The following DRC11 variants were observed in gnomAD, a reference collection of about 807,000 sequenced individuals.
The protein encoded by DRC11 is IQ and AAA domain-containing protein 1.
the DRC11 span, among the ~76,000 whole-genome samples, chr2:236,445,052 AG>A: frequency 6.6e-6 from 1 of 152,240 alleles, no homozygotes; most frequent in South Asian, 2.1e-4. The surrounding 1 kb of genome is among the most constrained non-coding windows in gnomAD (Gnocchi z 4.8). Context: ...ATACATTAGG[AG>A]TCAAAATGAC....
At chr2:236,342,856 C>A in the DRC11 span, among the ~76,000 whole-genome samples, 1 of 152,090 alleles carries the variant, frequency 6.6e-6, no homozygotes, top group Non-Finnish European at 1.5e-5. The surrounding 1 kb of genome is among the most constrained non-coding windows in gnomAD (Gnocchi z 5.8). Flanking sequence ...TAGGACTTAT[C>A]CCAGGGTGTG....
At chr2:236,375,787 A>G in the DRC11 span, among the ~76,000 whole-genome samples, 61 of 152,358 alleles carry the variant, frequency 4.0e-4, no homozygotes, top group African/African-American at 1.4e-3. This position sits in a 1 kb window ranked among gnomAD's most constrained non-coding sequence, Gnocchi z 4.2. Context: ...GTCTACACTG[A>G]TAACGCAATT....
the DRC11 span, among the ~76,000 whole-genome samples, chr2:236,396,214 T>C: frequency 1.5e-5 from 2 of 137,606 alleles, no homozygotes; most frequent in Admixed American, 8.5e-5. Context: ...CCCCACTCTC[T>C]CCTAGAGCGG....
At chr2:236,319,309 G>A in the DRC11 span, among the ~76,000 whole-genome samples, 11 of 152,210 alleles carry the variant, frequency 7.2e-5, no homozygotes, top group African/African-American at 2.7e-4. The surrounding 1 kb of genome is among the most constrained non-coding windows in gnomAD (Gnocchi z 6.7). Flanking sequence ...TCACGATAGC[G>A]CAGGGAGGCA....
the DRC11 span, among the ~76,000 whole-genome samples, chr2:236,448,647 T>C: frequency 1.3e-5 from 2 of 151,830 alleles, no homozygotes; most frequent in African/African-American, 4.8e-5. This position sits in a 1 kb window ranked among gnomAD's most constrained non-coding sequence, Gnocchi z 5.3. Flanking sequence ...TATTTATTAT[T>C]ATTATTTTTC....
At chr2:236,452,520 CA>C in the DRC11 span, among the ~76,000 whole-genome samples, 1 of 152,210 alleles carries the variant, frequency 6.6e-6, no homozygotes, top group Admixed American at 6.5e-5. This position sits in a 1 kb window ranked among gnomAD's most constrained non-coding sequence, Gnocchi z 4.7. Context: ...CAGAAGCCTC[CA>C]AAGGTGGCAG....
the DRC11 span, among the ~76,000 whole-genome samples, chr2:236,359,424 C>A: frequency 1.3e-5 from 2 of 152,130 alleles, no homozygotes; most frequent in Non-Finnish European, 1.5e-5. This position sits in a 1 kb window ranked among gnomAD's most constrained non-coding sequence, Gnocchi z 4.3. Flanking sequence ...CGTGCTTCCA[C>A]GGTGCTGTGA....
At chr2:236,396,871 G>C in the DRC11 span, among the ~76,000 whole-genome samples, 5 of 152,198 alleles carry the variant, frequency 3.3e-5, no homozygotes, top group Non-Finnish European at 7.3e-5. Flanking sequence ...GGAAGGCCCT[G>C]CCCTCAAGGA....
the DRC11 span, among the ~76,000 whole-genome samples, chr2:236,396,062 C>A: frequency 6.6e-6 from 1 of 152,006 alleles, no homozygotes; most frequent in African/African-American, 2.4e-5. Context: ...CCCTCTAGAT[C>A]GTTTAAATGG....
At chr2:236,336,816 C>A in the DRC11 span, among the ~76,000 whole-genome samples, 6 of 152,326 alleles carry the variant, frequency 3.9e-5, no homozygotes, top group African/African-American at 1.4e-4. This position sits in a 1 kb window ranked among gnomAD's most constrained non-coding sequence, Gnocchi z 7.3. Flanking sequence ...CACGAGCCAC[C>A]CCTGTGCATT....
chr2:236,325,776 T>C, the DRC11 span, among the ~76,000 whole-genome samples: 2 of 152,162 alleles, frequency 1.3e-5, no homozygotes, highest in African/African-American at 4.8e-5. The surrounding 1 kb of genome is among the most constrained non-coding windows in gnomAD (Gnocchi z 4.4). Context: ...CTAATTTTTG[T>C]ATTTTTAGTA....
At chr2:236,386,340 T>G in the DRC11 span, among the ~76,000 whole-genome samples, 1 of 152,038 alleles carries the variant, frequency 6.6e-6, no homozygotes, top group South Asian at 2.1e-4. Flanking sequence ...CAATTTCAGC[T>G]CCTGTTATTG....
the DRC11 span, among the ~76,000 whole-genome samples, chr2:236,310,358 T>A: frequency 6.6e-6 from 1 of 152,176 alleles, no homozygotes; most frequent in Non-Finnish European, 1.5e-5. This position sits in a 1 kb window ranked among gnomAD's most constrained non-coding sequence, Gnocchi z 5.5. Flanking sequence ...CCTCCCCAAC[T>A]GGACACGGCA....
chr2:236,447,552 C>G, the DRC11 span, among the ~76,000 whole-genome samples: 1 of 147,848 alleles, frequency 6.8e-6, no homozygotes. This position sits in a 1 kb window ranked among gnomAD's most constrained non-coding sequence, Gnocchi z 4.6. Context: ...AAGGCACCAG[C>G]ATTCACTTGT....
the DRC11 span, among the ~76,000 whole-genome samples, chr2:236,419,593 A>G: frequency 1.3e-5 from 2 of 152,076 alleles, no homozygotes; most frequent in African/African-American, 2.4e-5. The surrounding 1 kb of genome is among the most constrained non-coding windows in gnomAD (Gnocchi z 4.8). Flanking sequence ...AGCTTCCTCA[A>G]CGTCTCAGCA....
chr2:236,323,690 G>C, the DRC11 span, among the ~76,000 whole-genome samples: 1 of 152,058 alleles, frequency 6.6e-6, no homozygotes, highest in Admixed American at 6.6e-5. This position sits in a 1 kb window ranked among gnomAD's most constrained non-coding sequence, Gnocchi z 6.4. Flanking sequence ...GAATTTCTGT[G>C]GTCTAACCCC....
chr2:236,380,463 G>C, the DRC11 span: 6 of 847,360 alleles, frequency 7.1e-6, no homozygotes, highest in Admixed American at 4.2e-5. This position sits in a 1 kb window ranked among gnomAD's most constrained non-coding sequence, Gnocchi z 4.9. Flanking sequence ...CGGGACTGTG[G>C]AGGATGAAGA....
At chr2:236,492,247 G>C in the DRC11 span, among the ~76,000 whole-genome samples, 5 of 152,348 alleles carry the variant, frequency 3.3e-5, no homozygotes, top group Middle Eastern at 3.4e-3. Context: ...GAAGGATGGT[G>C]TATCAAGTTA....
At chr2:236,496,254 T>C in the DRC11 span, among the ~76,000 whole-genome samples, 1 of 152,206 alleles carries the variant, frequency 6.6e-6, no homozygotes, top group African/African-American at 2.4e-5. This position sits in a 1 kb window ranked among gnomAD's most constrained non-coding sequence, Gnocchi z 6.3. Context: ...TCAGTTATTC[T>C]CATTACTCCA....
Sources: allele counts gnomAD v4.1 joint callset (sites outside exome capture counted in the v4.1 genomes callset), GRCh38; gene constraint gnomAD v4.1.1; non-coding constraint Gnocchi (gnomAD v3.1); transcripts MANE v1.5; gene names NCBI Gene and HGNC (gene_info 2026-07-23, HGNC 2026-07-21).